FOLH1: variants seen among roughly 807,000 people sequenced by gnomAD.
FOLH1 encodes glutamate carboxypeptidase 2.
A neutral mutation model predicts 93.9 loss-of-function variants in FOLH1; 54 were observed. The ratio of observed to expected loss-of-function variants is 0.57; its 90% CI spans 0.46 to 0.72. The LOEUF (loss-of-function observed/expected upper bound fraction) is 0.72. FOLH1 is among the 30% of genes least tolerant of loss of function. The pLI is 0.00. For synonymous variants in FOLH1, 249 were observed against 303.6 expected, an observed-to-expected ratio of 0.82 and a Z score of 1.87; for missense variants, 571 against 892.5, an observed-to-expected ratio of 0.64 and a Z score of 4.59.
At chr11:49,192,286 C>G (rs1183851031) in intron 4 of FOLH1, among the ~76,000 whole-genome samples, 1 of 151,788 alleles carries the variant, frequency 6.6e-6, no homozygotes, top group African/African-American at 2.4e-5. Context: ...ATAAAGAAGG[C>G]CCAAAGTGCA....
chr11:49,163,222 G>A (rs1453805889), intron 13 of FOLH1, among the ~76,000 whole-genome samples: 1 of 152,020 alleles, frequency 6.6e-6, no homozygotes, highest in East Asian at 1.9e-4. Context: ...CCTCCTCCTG[G>A]CAGCTCCATC....
chr11:49,174,655 C>T (rs746146328), intron 9 of FOLH1, among the ~76,000 whole-genome samples: 1 of 152,148 alleles, frequency 6.6e-6, no homozygotes, highest in Non-Finnish European at 1.5e-5. Context: ...CACAATTTAT[C>T]ATTCACCTTG....
chr11:49,176,602 T>A (rs1860072757), intron 7 of FOLH1, among the ~76,000 whole-genome samples: 1 of 152,108 alleles, frequency 6.6e-6, no homozygotes, highest in Non-Finnish European at 1.5e-5. Flanking sequence ...CTGCCTTTAC[T>A]GTATTAAGAT....
chr11:49,198,352 G>C (rs913691728), intron 3 of FOLH1, among the ~76,000 whole-genome samples: 5 of 152,164 alleles, frequency 3.3e-5, no homozygotes, highest in African/African-American at 9.6e-5. Flanking sequence ...CGTCGTGGCG[G>C]GAGCCTGTAG....
At chr11:49,178,352 G>T (rs1203853704) in intron 7 of FOLH1, among the ~76,000 whole-genome samples, 1 of 152,166 alleles carries the variant, frequency 6.6e-6, no homozygotes, top group Non-Finnish European at 1.5e-5. Flanking sequence ...GGGTGTAAAT[G>T]GATGAGAGGA....
At chr11:49,171,136 A>G in intron 11 of FOLH1, 59 bp downstream of exon 11, 1 of 1,481,472 alleles carries the variant, frequency 6.8e-7, no homozygotes, top group East Asian at 2.4e-5. Flanking sequence ...GTGCTTGGCA[A>G]ATAAGTCCTG....
intron 3 of FOLH1, among the ~76,000 whole-genome samples, chr11:49,199,096 C>G (rs911670817): frequency 6.6e-6 from 1 of 151,768 alleles, no homozygotes; most frequent in African/African-American, 2.4e-5. Flanking sequence ...TATTGACCTA[C>G]TATGAAAAAA....
intron 4 of FOLH1, among the ~76,000 whole-genome samples, chr11:49,189,849 A>G (rs1861830860): frequency 6.6e-6 from 1 of 152,212 alleles, no homozygotes; most frequent in South Asian, 2.1e-4. Context: ...TAAATAGAGT[A>G]TACAAATGGT....
intron 10 of FOLH1, among the ~76,000 whole-genome samples, chr11:49,172,074 C>A (rs1438645473): frequency 6.6e-6 from 1 of 152,060 alleles, no homozygotes; most frequent in Non-Finnish European, 1.5e-5. Context: ...AGTAAATATT[C>A]ATGTGTGCTT....
intron 18 of FOLH1, among the ~76,000 whole-genome samples, chr11:49,147,456 T>G (rs911628649): frequency 6.8e-6 from 1 of 147,186 alleles, no homozygotes; most frequent in East Asian, 2.0e-4. Context: ...GTTTTTTTTT[T>G]GTCTTTTTTT....
chr11:49,179,818 T>G (rs1461889914), intron 7 of FOLH1, among the ~76,000 whole-genome samples: 3 of 152,114 alleles, frequency 2.0e-5, no homozygotes, highest in Non-Finnish European at 4.4e-5. Flanking sequence ...ATCAACAAAA[T>G]CAGCAAACCA....
rs1271825103 is a variant in FOLH1, at chr11:49,196,352, A to G, written c.412-3458T>C. On this transcript the variant is annotated intron_variant, in intron 3 of 18. Transcript: ENST00000256999. ...AACCAGTAGTTTAAAATTTTCCACA[A>G]ACAGAGTCAAGGCCAACTGGTTTTC... 2.0e-5 allele frequency among the ~76,000 whole-genome samples: 3 copies of G among 152,184 alleles called. No homozygotes were observed. The East Asian group carries it at 5.8e-4, about 29-fold the overall frequency.
At chr11:49,155,854 G>C (rs1349864875) in intron 15 of FOLH1, among the ~76,000 whole-genome samples, 1 of 103,282 alleles carries the variant, frequency 9.7e-6, no homozygotes, top group Non-Finnish European at 2.1e-5. Flanking sequence ...ACAAAAGAAA[G>C]GGAATCATGA....
Position 49,155,604 on chromosome 11 carries a change from A to C in FOLH1, c.1624-1112T>G, listed in dbSNP as rs1343629668. ...AAAATTGAAAAAGTATCAGGATTAA[A>C]ATATTACTTATAAATATGGATGTAT... On this transcript the variant is annotated intron_variant, in intron 15 of 18. Transcript: ENST00000256999. The C allele has an allele frequency of 1.4e-5, 3 of 212,502 alleles. No individual in the cohort carries two copies. In the Admixed American group the frequency reaches 1.7e-4, roughly 12 times the overall value. 13.2% of individuals were successfully genotyped at this position (212,502 alleles called of 1,614,324 possible). A position where few individuals can be genotyped will look rare whatever the true frequency, so the allele number is the denominator to read the frequency against.
intron 7 of FOLH1, 86 bp from the exon 8 acceptor site, chr11:49,176,043 T>A (rs1247862569): frequency 8.5e-7 from 1 of 1,179,840 alleles, no homozygotes; most frequent in Non-Finnish European, 1.3e-6. Context: ...TTATTGAGCA[T>A]CTGCTCATAA....
At chr11:49,176,951 A>G (rs568245306) in intron 7 of FOLH1, among the ~76,000 whole-genome samples, 2 of 152,318 alleles carry the variant, frequency 1.3e-5, no homozygotes, top group African/African-American at 4.8e-5. Flanking sequence ...TCTGTCCTGT[A>G]AGGCTTTCTC....
At chr11:49,155,837 A>ATATATAT (rs1390925070) in intron 15 of FOLH1, among the ~76,000 whole-genome samples, 6 of 41,288 alleles carry the variant, frequency 1.5e-4, no homozygotes, top group Non-Finnish European at 2.1e-4. Context: ...TATATATATA[A>ATATATAT]TCAACAACAA....
intron 3 of FOLH1, among the ~76,000 whole-genome samples, chr11:49,199,254 C>G (rs1347203913): frequency 1.3e-5 from 2 of 152,118 alleles, no homozygotes; most frequent in Non-Finnish European, 2.9e-5. Flanking sequence ...CATACGGTAG[C>G]TCTAAAACTG....
intron 7 of FOLH1, among the ~76,000 whole-genome samples, chr11:49,176,625 T>C (rs188543198): frequency 1.3e-5 from 2 of 152,152 alleles, no homozygotes; most frequent in Non-Finnish European, 2.9e-5. Flanking sequence ...TGGATTAACT[T>C]ATTCTTGATA....
Sources: allele counts gnomAD v4.1 joint callset (sites outside exome capture counted in the v4.1 genomes callset), GRCh38; gene constraint gnomAD v4.1.1; transcripts MANE v1.5; gene names NCBI Gene and HGNC (gene_info 2026-07-23, HGNC 2026-07-21).